The following CACNG3 variants were observed in gnomAD, a reference collection of about 807,000 sequenced individuals.
CACNG3 encodes calcium voltage-gated channel auxiliary subunit gamma 3, also known as voltage-dependent calcium channel gamma-3 subunit.
A neutral mutation model predicts 28.5 loss-of-function variants in CACNG3; 3 were observed. The ratio of observed to expected loss-of-function variants is 0.11; its 90% CI spans 0.05 to 0.27. The LOEUF (loss-of-function observed/expected upper bound fraction) is 0.27. Among genes scored for constraint, CACNG3 ranks in the 10% least tolerant of loss-of-function variants. The pLI, the probability that CACNG3 is intolerant of heterozygous loss-of-function variation, is 1.00. For synonymous variants in CACNG3, 174 were observed against 162.2 expected, an observed-to-expected ratio of 1.07 and a Z score of -0.55; for missense variants, 236 against 414.4, an observed-to-expected ratio of 0.57 and a Z score of 3.74.
intron 1 of CACNG3, among the ~76,000 whole-genome samples, chr16:24,326,546 C>T (rs1899547944): frequency 6.6e-6 from 1 of 152,234 alleles, no homozygotes; most frequent in Non-Finnish European, 1.5e-5. Context: ...CACTTGCCCT[C>T]CCCTGAACCA....
At chr16:24,317,628 CAGACAGAAAGAAAGAAAAGA>C (rs1899385016) in intron 1 of CACNG3, among the ~76,000 whole-genome samples, 4 of 39,018 alleles carry the variant, frequency 1.0e-4, no homozygotes, top group African/African-American at 3.5e-4. Context: ...GAAAGAAAGA[CAGACAGAAAGAAAGAAAAGA>C]AAAGAAAGAA....
At chr16:24,347,636 C>T (rs115037481) in intron 2 of CACNG3, among the ~76,000 whole-genome samples, 130 of 152,338 alleles carry the variant, frequency 8.5e-4, no homozygotes, top group African/African-American at 3.0e-3. Context: ...TCTTCTTTGA[C>T]TTCCCTCCAG....
intron 2 of CACNG3, among the ~76,000 whole-genome samples, chr16:24,352,036 G>A (rs1170014771): frequency 2.6e-5 from 4 of 151,838 alleles, no homozygotes; most frequent in Middle Eastern, 3.2e-3. Context: ...GGATGGTCTC[G>A]ATCTCCTGAT....
chr16:24,271,743 G>T (rs1307495612), intron 1 of CACNG3, among the ~76,000 whole-genome samples: 1 of 152,180 alleles, frequency 6.6e-6, no homozygotes, highest in Non-Finnish European at 1.5e-5. Flanking sequence ...TAGGAAAGAC[G>T]CTGATAGAGT....
chr16:24,269,760 A>G (rs1438276716), intron 1 of CACNG3, among the ~76,000 whole-genome samples: 3 of 149,796 alleles, frequency 2.0e-5, no homozygotes, highest in African/African-American at 7.3e-5. Flanking sequence ...AAAAAAAAAA[A>G]AAAAAAAGAG....
At chr16:24,302,889 G>A (rs779704089) in intron 1 of CACNG3, among the ~76,000 whole-genome samples, 1 of 151,936 alleles carries the variant, frequency 6.6e-6, no homozygotes, top group Non-Finnish European at 1.5e-5. Context: ...TGAATTCCTG[G>A]CCTCAAGTGA....
Position 24,256,619 on chromosome 16 carries a change from C to A in CACNG3, c.-136C>A, listed in dbSNP as rs1898463533. 1 of 675,274 alleles carries A rather than the reference C, an allele frequency of 1.5e-6. No homozygotes were observed. The highest frequency in any genetic ancestry group is 1.8e-5 in the South Asian group (1 of 56,560). The allele number at this position is 675,274 out of a possible 1,614,324, so 41.8% of individuals were successfully genotyped here. On this transcript the variant is annotated 5_prime_UTR_variant, in exon 1 of 4. Transcript: ENST00000005284. The surrounding 1 kb of genome is among the most constrained non-coding windows in gnomAD (Gnocchi z 4.6). Reference sequence around the variant, plus strand: ...AGGAAATCCCAGCTTTCCCAAAGTCCCTGTGGATGCTGACAAAAGGAGACC... The same window carrying A: ...AGGAAATCCCAGCTTTCCCAAAGTCACTGTGGATGCTGACAAAAGGAGACC...
At chr16:24,322,348 C>T (rs1348003097) in intron 1 of CACNG3, among the ~76,000 whole-genome samples, 2 of 152,110 alleles carry the variant, frequency 1.3e-5, no homozygotes, top group African/African-American at 4.8e-5. Context: ...AAAGGAACCC[C>T]GGCCACCCTT....
intron 2 of CACNG3, among the ~76,000 whole-genome samples, chr16:24,353,672 A>C (rs1407412306): frequency 6.6e-6 from 1 of 152,224 alleles, no homozygotes; most frequent in African/African-American, 2.4e-5. Flanking sequence ...CACAACACCT[A>C]GCATCTATTA....
At chr16:24,273,969 C>A (rs1174815225) in intron 1 of CACNG3, among the ~76,000 whole-genome samples, 2 of 152,030 alleles carry the variant, frequency 1.3e-5, no homozygotes, top group Non-Finnish European at 2.9e-5. Flanking sequence ...TATAGTATAG[C>A]AGTTAAGAAC....
Position 24,346,794 on chromosome 16 carries a change from A to G in CACNG3, c.272A>G (p.Gln91Arg). The change falls in exon 2 of 4, where the codon CAG (glutamine) becomes CGG (arginine). Residue 91 changes from glutamine to arginine, a missense_variant. Gln to Arg is a conservative substitution (Grantham distance 43). Coordinates refer to ENST00000005284, the MANE Select transcript of CACNG3 (RefSeq NM_006539.4). ...DHFPEDADYE[Q>R]DTAEYLLRAV... ...TTCCCTGAAGATGCTGACTACGAAC[A>G]GGACACAGCCGAATATCTCCTGCGT... 1 of 1,614,122 alleles carries G rather than the reference A, an allele frequency of 6.2e-7. No homozygotes were observed. Among genetic ancestry groups the G allele is most frequent in the Non-Finnish European group, 8.5e-7 (1 of 1,179,936 alleles).
At chr16:24,300,112 G>C (rs1899085850) in intron 1 of CACNG3, among the ~76,000 whole-genome samples, 1 of 152,154 alleles carries the variant, frequency 6.6e-6, no homozygotes, top group Non-Finnish European at 1.5e-5. Context: ...AAGAATTCCA[G>C]ATGGAAAGCT....
At chr16:24,283,767 A>T (rs991485761) in intron 1 of CACNG3, among the ~76,000 whole-genome samples, 1 of 152,186 alleles carries the variant, frequency 6.6e-6, no homozygotes, top group African/African-American at 2.4e-5. Flanking sequence ...TCAAAGTGTG[A>T]TCACAGATCT....
chr16:24,270,473 T>C (rs1318169752), intron 1 of CACNG3, among the ~76,000 whole-genome samples: 1 of 152,240 alleles, frequency 6.6e-6, no homozygotes, highest in Non-Finnish European at 1.5e-5. Context: ...AAAGATCAAA[T>C]CAAGAGGCAA....
At chr16:24,353,241 T>C (rs527995234) in intron 2 of CACNG3, among the ~76,000 whole-genome samples, 1 of 152,020 alleles carries the variant, frequency 6.6e-6, no homozygotes, top group African/African-American at 2.4e-5. Context: ...TCCCAAAGTG[T>C]TGGGATTACA....
At chr16:24,304,222 T>G (rs1899153569) in intron 1 of CACNG3, among the ~76,000 whole-genome samples, 1 of 152,164 alleles carries the variant, frequency 6.6e-6, no homozygotes, top group Admixed American at 6.5e-5. Context: ...TCTCGAAAGC[T>G]TATTAAAGCA....
chr16:24,342,948 A>G (rs1596649639), intron 1 of CACNG3, among the ~76,000 whole-genome samples: 1 of 151,954 alleles, frequency 6.6e-6, no homozygotes, highest in Non-Finnish European at 1.5e-5. Context: ...CCAGCACTTC[A>G]GGAGGCTGAG....
intron 1 of CACNG3, among the ~76,000 whole-genome samples, chr16:24,274,357 G>A (rs185169912): frequency 2.5e-3 from 388 of 152,220 alleles, no homozygotes; most frequent in African/African-American, 8.9e-3. Flanking sequence ...TACTCATAGG[G>A]TTGTTATGGG....
chr16:24,296,136 A>G (rs1001450183), intron 1 of CACNG3, among the ~76,000 whole-genome samples: 7 of 152,144 alleles, frequency 4.6e-5, no homozygotes, highest in Non-Finnish European at 8.8e-5. Flanking sequence ...GAAGCCCCCC[A>G]GTGTCCACAA....
Sources: allele counts gnomAD v4.1 joint callset (sites outside exome capture counted in the v4.1 genomes callset), GRCh38; gene constraint gnomAD v4.1.1; non-coding constraint Gnocchi (gnomAD v3.1); transcripts MANE v1.5; gene names NCBI Gene and HGNC (gene_info 2026-07-23, HGNC 2026-07-21).